Variants in DGKB observed in about 807,000 individuals in gnomAD.
The protein encoded by DGKB is 90 kDa diacylglycerol kinase.
A neutral mutation model predicts 114.3 loss-of-function variants in DGKB; 67 were observed. The ratio of observed to expected loss-of-function variants is 0.59; its 90% confidence interval spans 0.48 to 0.72. The LOEUF (loss-of-function observed/expected upper bound fraction) is 0.72, where lower values mean the gene tolerates loss of function less well. Ranked by LOEUF, DGKB falls within the 30% of genes least tolerant of loss-of-function variation. The pLI is 0.00. For synonymous variants in DGKB, 398 were observed against 323.1 expected (o/e 1.23, Z -2.49); for missense variants, 907 against 975.2 (o/e 0.93, Z 0.93).
At chr7:14,714,478 C>G (rs1441581437) in intron 6 of DGKB, among the ~76,000 whole-genome samples, 1 of 151,512 alleles carries the variant, frequency 6.6e-6, no homozygotes, top group Non-Finnish European at 1.5e-5. Context: ...CAGGAACTAT[C>G]AAAGGGGATT....
chr7:14,218,544 C>T (rs183985367), intron 23 of DGKB, among the ~76,000 whole-genome samples: 2 of 152,102 alleles, frequency 1.3e-5, no homozygotes, highest in Admixed American at 1.3e-4. Context: ...GACCAAAGGC[C>T]AAATGCTAAT....
chr7:14,583,014 C>T, intron 18 of DGKB, 38 bp downstream of exon 18: 3 of 1,303,924 alleles, frequency 2.3e-6, no homozygotes, highest in Non-Finnish European at 3.3e-6. Flanking sequence ...AAAGCTATTG[C>T]TCTCTCCCCA....
At chr7:14,310,702 C>G (rs1257666144) in intron 23 of DGKB, among the ~76,000 whole-genome samples, 1 of 152,126 alleles carries the variant, frequency 6.6e-6, no homozygotes, top group African/African-American at 2.4e-5. Flanking sequence ...GGGAAAGAAC[C>G]TAATAATACC....
chr7:14,459,765 T>A (rs1468441873), intron 21 of DGKB, among the ~76,000 whole-genome samples: 1 of 152,052 alleles, frequency 6.6e-6, no homozygotes, highest in Non-Finnish European at 1.5e-5. Flanking sequence ...AGATACTCGT[T>A]GAGAAGAGCA....
At chr7:14,283,047 C>T (rs568099214) in intron 23 of DGKB, among the ~76,000 whole-genome samples, 1 of 151,666 alleles carries the variant, frequency 6.6e-6, no homozygotes, top group Non-Finnish European at 1.5e-5. Flanking sequence ...AAGGGGTATT[C>T]AATTAGGAAA....
chr7:14,778,605 G>T (rs1448332482), intron 2 of DGKB, among the ~76,000 whole-genome samples: 1 of 152,090 alleles, frequency 6.6e-6, no homozygotes, highest in Non-Finnish European at 1.5e-5. Flanking sequence ...AAACTAGAAG[G>T]TAAAGGTAAA....
At chr7:14,510,828 C>A (rs893752610) in intron 20 of DGKB, among the ~76,000 whole-genome samples, 1 of 152,152 alleles carries the variant, frequency 6.6e-6, no homozygotes, top group Non-Finnish European at 1.5e-5. Context: ...TGTTAGCAGG[C>A]ATAAAAACAT....
chr7:14,166,080 G>A (rs10255977), intron 25 of DGKB, among the ~76,000 whole-genome samples: 11,380 of 152,170 alleles, frequency 0.075, 674 homozygotes, highest in African/African-American at 0.16. Context: ...AACCTCATCC[G>A]TATAGTCTAA....
intron 13 of DGKB, among the ~76,000 whole-genome samples, chr7:14,661,293 A>C (rs946449980): frequency 6.8e-6 from 1 of 146,758 alleles, no homozygotes; most frequent in Non-Finnish European, 1.5e-5. Context: ...GAAAATTTTC[A>C]CAACCTACTC....
intron 20 of DGKB, among the ~76,000 whole-genome samples, chr7:14,557,367 T>G (rs1448916190): frequency 6.6e-6 from 1 of 152,184 alleles, no homozygotes; most frequent in Admixed American, 6.5e-5. Flanking sequence ...TGTGTATTTA[T>G]TTCTTTCTGT....
chr7:14,867,781 T>C (rs1183481624), intron 1 of DGKB, among the ~76,000 whole-genome samples: 2 of 152,138 alleles, frequency 1.3e-5, no homozygotes, highest in East Asian at 3.9e-4. Flanking sequence ...GCAGCGAAAA[T>C]ACGGTTCCTT....
chr7:14,844,412 A>G (rs1295476997), intron 1 of DGKB, among the ~76,000 whole-genome samples: 1 of 152,220 alleles, frequency 6.6e-6, no homozygotes, highest in East Asian at 1.9e-4. Flanking sequence ...TTGTAAATAT[A>G]GGTGATTGGA....
At chr7:14,624,346 T>C (rs1808195740) in intron 14 of DGKB, among the ~76,000 whole-genome samples, 1 of 152,192 alleles carries the variant, frequency 6.6e-6, no homozygotes, top group Non-Finnish European at 1.5e-5. Context: ...TTATTCTTCC[T>C]AATTATCCAA....
chr7:14,586,045 T>C (rs755944005), intron 17 of DGKB, among the ~76,000 whole-genome samples: 6 of 152,104 alleles, frequency 3.9e-5, no homozygotes, highest in Non-Finnish European at 8.8e-5. Flanking sequence ...AGTGTTCAAG[T>C]GAAAGGAAGA....
At chr7:14,492,948 C>T (rs992191253) in intron 20 of DGKB, among the ~76,000 whole-genome samples, 11 of 151,894 alleles carry the variant, frequency 7.2e-5, no homozygotes, top group Non-Finnish European at 1.6e-4. Context: ...TGGAACTATC[C>T]CTGTATGCTT....
intron 2 of DGKB, among the ~76,000 whole-genome samples, chr7:14,759,068 G>A (rs1835323838): frequency 6.6e-6 from 1 of 152,064 alleles, no homozygotes; most frequent in Non-Finnish European, 1.5e-5. Flanking sequence ...GGGATTACAG[G>A]GGCTTACCAC....
At chr7:14,634,170 A>G (rs1810283859) in intron 13 of DGKB, among the ~76,000 whole-genome samples, 1 of 151,060 alleles carries the variant, frequency 6.6e-6, no homozygotes, top group African/African-American at 2.4e-5. Context: ...TTTTACATTT[A>G]TATATTTTTC....
chr7:14,153,781 A>AAAT (rs1297379068), intron 25 of DGKB, among the ~76,000 whole-genome samples: 1 of 152,236 alleles, frequency 6.6e-6, no homozygotes, highest in East Asian at 1.9e-4. Context: ...ACTTACAGAA[A>AAAT]AATAAAAATC....
chr7:14,246,719 T>C (rs1794531948), intron 23 of DGKB, among the ~76,000 whole-genome samples: 1 of 152,136 alleles, frequency 6.6e-6, no homozygotes, highest in Non-Finnish European at 1.5e-5. Context: ...ATTGGAGGTG[T>C]ACAACATGAT....
Sources: allele counts gnomAD v4.1 joint callset (sites outside exome capture counted in the v4.1 genomes callset), GRCh38; gene constraint gnomAD v4.1.1; transcripts MANE v1.5; gene names NCBI Gene and HGNC (gene_info 2026-07-23, HGNC 2026-07-21).